TLE4: variants seen among roughly 807,000 people sequenced by gnomAD.
The protein encoded by TLE4 is TLE family member 4, transcriptional corepressor.
TLE4 carries 8 observed loss-of-function variants against 92.8 expected under a neutral mutation model. The ratio of observed to expected loss-of-function variants is 0.09; its 90% CI spans 0.05 to 0.16. The LOEUF is 0.16. Among genes scored for constraint, TLE4 ranks in the 10% least tolerant of loss-of-function variants. TLE4 has a pLI of 1.00. For missense variants in TLE4, 675 were observed against 997.6 expected (o/e 0.68, Z 4.36); for synonymous variants, 371 against 374.1 (o/e 0.99, Z 0.10).
intron 8 of TLE4, among the ~76,000 whole-genome samples, chr9:79,682,637 G>A (rs564937628): frequency 3.5e-4 from 54 of 152,286 alleles, no homozygotes; most frequent in African/African-American, 1.3e-3. Flanking sequence ...TTCCTGTCCA[G>A]TGTCCTAGGC....
In TLE4 at chr9:79,572,808, C is replaced by G; in HGVS notation, c.18C>G (p.Ser6Arg). ...CGGCTTGGATGATTCGCGACCTGAG[C>G]AAGATGTACCCGCAGACCAGACACC... MIRDLSKMYPQTRHPA... is the reference protein window; with the variant it reads MIRDLRKMYPQTRHPA... Residue 6 changes from serine (S) to arginine (R), a missense_variant, in exon 1 of 20, where the codon AGC (serine) becomes AGG (arginine). Around this residue, in one of 5 missense-constraint regions of TLE4, gnomAD observed 38 missense variants for 33.5 expected, o/e 1.14. Transcript: ENST00000376552. 3 of 1,600,394 alleles carry G rather than the reference C, an allele frequency of 1.9e-6. No individual in the cohort carries two copies. Among genetic ancestry groups the G allele is most frequent in the African/African-American group, 1.4e-5 (1 of 73,254 alleles).
At chr9:79,589,451 A>G (rs993558579) in intron 4 of TLE4, among the ~76,000 whole-genome samples, 1 of 124,294 alleles carries the variant, frequency 8.0e-6, no homozygotes, top group Admixed American at 7.9e-5. Context: ...TCTCGGTGGG[A>G]GGGACTTTTC....
chr9:79,725,060 T>A lies in TLE4; in HGVS notation c.2238T>A (p.Leu746=), dbSNP rs1329088829. The A allele has an allele frequency of 6.2e-7, 1 of 1,613,844 alleles. No individual in the cohort carries two copies. The highest frequency in any genetic ancestry group is 1.7e-5 in the Admixed American group (1 of 60,004). Residue 746 remains leucine, a synonymous_variant, in exon 20 of 20, where the codon CTT becomes CTA. Coordinates refer to ENST00000376552, the MANE Select transcript of TLE4 (RefSeq NM_007005.6). ...IFQSKESSSV[L]SCDISVDDKY... ...AGTCCAAAGAATCCTCATCGGTGCT[T>A]AGCTGTGACATCTCCGTGGACGACA...
chr9:79,709,674 C>T lies in TLE4; in HGVS notation c.1315C>T (p.Leu439=). ...GCGTGTGCCAGCAATACCTCCAAAC[C>T]TGACAGGCATTCCAGGAGGAAAACC... ...HMRVPAIPPN[L]TGIPGGKPAY... The change falls in exon 14 of 20, where the codon CTG becomes TTG. Residue 439 remains leucine, a synonymous_variant. Transcript: ENST00000376552. 1 of 1,614,148 alleles carries T rather than the reference C, an allele frequency of 6.2e-7. No individual in the cohort carries two copies. Among genetic ancestry groups the T allele is most frequent in the Non-Finnish European group, 8.5e-7 (1 of 1,180,014 alleles).
intron 18 of TLE4, 98 bp downstream of exon 18, chr9:79,722,699 A>G (rs759196419): frequency 1.3e-4 from 179 of 1,424,256 alleles, no homozygotes; most frequent in Non-Finnish European, 1.6e-4. Flanking sequence ...GTTCATTACC[A>G]TGCCCCTCTT....
intron 11 of TLE4, among the ~76,000 whole-genome samples, chr9:79,707,654 G>T (rs1169282246): frequency 6.6e-6 from 1 of 152,114 alleles, no homozygotes. Context: ...TTTTCTCTTG[G>T]CCTTCTGGCC....
chr9:79,645,962 C>T (rs1043908056), intron 6 of TLE4, among the ~76,000 whole-genome samples: 1 of 152,100 alleles, frequency 6.6e-6, no homozygotes, highest in Admixed American at 6.6e-5. Flanking sequence ...ATATTTTCCT[C>T]AATAGGTCTT....
intron 6 of TLE4, among the ~76,000 whole-genome samples, chr9:79,649,271 T>TACACACACAC (rs61394180): frequency 1.4e-5 from 2 of 147,268 alleles, no homozygotes; most frequent in African/African-American, 5.0e-5. Context: ...CATACATACA[T>TACACACACAC]ACACACACAC....
intron 8 of TLE4, among the ~76,000 whole-genome samples, chr9:79,668,245 AC>A (rs1267568754): frequency 6.6e-6 from 1 of 151,954 alleles, no homozygotes; most frequent in Non-Finnish European, 1.5e-5. Flanking sequence ...TGTTGCTGTT[AC>A]CCCCAGTGTT....
At chr9:79,642,469 C>G (rs2057359411) in intron 6 of TLE4, among the ~76,000 whole-genome samples, 1 of 151,734 alleles carries the variant, frequency 6.6e-6, no homozygotes, top group African/African-American at 2.4e-5. Flanking sequence ...CTAAAGAAAG[C>G]TTTTCTGAGT....
intron 14 of TLE4, among the ~76,000 whole-genome samples, chr9:79,713,671 G>C (rs2073874713): frequency 6.6e-6 from 1 of 152,110 alleles, no homozygotes; most frequent in South Asian, 2.1e-4. Flanking sequence ...TTAACTACAA[G>C]TACCATGTTT....
intron 14 of TLE4, among the ~76,000 whole-genome samples, chr9:79,713,777 C>G (rs1387024020): frequency 1.3e-5 from 2 of 152,170 alleles, no homozygotes; most frequent in African/African-American, 4.8e-5. Context: ...TACCTTCTAA[C>G]TTGTCATCCT....
intron 4 of TLE4, among the ~76,000 whole-genome samples, chr9:79,592,101 CTTCTTCTTCTTTCTTCTTTCTTCT>C (rs1230377023): frequency 3.3e-5 from 5 of 151,532 alleles, no homozygotes; most frequent in South Asian, 2.1e-4. Flanking sequence ...GTTTCTTCTT[CTTCTTCTTCTTTCTTCTTTCTTCT>C]TTCTTCTTCT....
chr9:79,696,599 A>C (rs2068321336), intron 8 of TLE4, among the ~76,000 whole-genome samples: 1 of 152,176 alleles, frequency 6.6e-6, no homozygotes, highest in Non-Finnish European at 1.5e-5. Flanking sequence ...TGTGGAGTTA[A>C]CACTCTTTGG....
At chr9:79,696,814 G>A (rs1390086100) in intron 8 of TLE4, among the ~76,000 whole-genome samples, 1 of 152,192 alleles carries the variant, frequency 6.6e-6, no homozygotes, top group East Asian at 1.9e-4. Context: ...CAAAGCAGCT[G>A]TTATGCTTGT....
intron 8 of TLE4, among the ~76,000 whole-genome samples, chr9:79,700,074 G>C (rs2069367048): frequency 6.6e-6 from 1 of 152,210 alleles, no homozygotes; most frequent in African/African-American, 2.4e-5. Context: ...GGACTAAGTT[G>C]CACTGTTGAG....
intron 5 of TLE4, among the ~76,000 whole-genome samples, chr9:79,622,159 A>G (rs1241063606): frequency 1.3e-5 from 2 of 151,896 alleles, no homozygotes; most frequent in African/African-American, 4.8e-5. Context: ...ATTTCCCACT[A>G]ATACTTGGTT....
chr9:79,684,746 G>T (rs2065460720), intron 8 of TLE4, among the ~76,000 whole-genome samples: 1 of 152,132 alleles, frequency 6.6e-6, no homozygotes, highest in South Asian at 2.1e-4. Flanking sequence ...GGCTAGCCAA[G>T]GCTTGTTCTT....
chr9:79,601,361 T>C (rs1053395090), intron 4 of TLE4: 1 of 456,584 alleles, frequency 2.2e-6, no homozygotes, highest in African/African-American at 2.0e-5. Context: ...ATTAATGTGC[T>C]TTAGCTACAG....
Sources: allele counts gnomAD v4.1 joint callset (sites outside exome capture counted in the v4.1 genomes callset), GRCh38; gene constraint gnomAD v4.1.1; regional missense constraint gnomAD v4.1.1; transcripts MANE v1.5; gene names NCBI Gene and HGNC (gene_info 2026-07-23, HGNC 2026-07-21).